Variants in ATRN observed in about 807,000 individuals in gnomAD.
ATRN encodes attractin.
A neutral mutation model predicts 178.7 loss-of-function variants in ATRN; 54 were observed. The ratio of observed to expected loss-of-function variants is 0.30; its 90% CI spans 0.24 to 0.38. ATRN has a LOEUF of 0.38. ATRN is among the 10% of genes least tolerant of loss of function. The pLI is 1.00. For missense variants in ATRN, 1,443 were observed against 1,815.1 expected (o/e 0.79, Z 3.73); for synonymous variants, 636 against 663.0 (o/e 0.96, Z 0.63).
At position 3,535,369 on chromosome 20, in the gene ATRN, T is replaced by C. The variant is rs749259650; in HGVS notation, c.494+33T>C. 39 of 1,283,584 alleles carry C rather than the reference T, an allele frequency of 3.0e-5. No individual in the cohort carries two copies. The East Asian group carries it at 1.0e-3, about 34-fold the overall frequency. 79.5% of individuals were successfully genotyped at this position (1,283,584 alleles called of 1,614,324 possible). On this transcript the variant is annotated intron_variant, in intron 2 of 28. Coordinates refer to ENST00000262919, the MANE Select transcript of ATRN (RefSeq NM_139321.3). ...GAAATGGCTGACTTAATTTTTGTTTTTTTAGCATAGAAGTCAGTGTGACAT... is the reference window on the plus strand; with the variant it reads ...GAAATGGCTGACTTAATTTTTGTTTCTTTAGCATAGAAGTCAGTGTGACAT...
intron 2 of ATRN, among the ~76,000 whole-genome samples, chr20:3,537,945 CTTTTT>C (rs1009073154): frequency 1.4e-5 from 2 of 142,442 alleles, no homozygotes; most frequent in Admixed American, 7.0e-5. Context: ...TTTTTCATTT[CTTTTT>C]TTTATTTTTT....
At chr20:3,568,166 A>T (rs2086064935) in intron 11 of ATRN, among the ~76,000 whole-genome samples, 1 of 151,674 alleles carries the variant, frequency 6.6e-6, no homozygotes, top group Non-Finnish European at 1.5e-5. Flanking sequence ...TGGCGGGCGC[A>T]TGTAGTCCCA....
intron 1 of ATRN, among the ~76,000 whole-genome samples, chr20:3,528,639 AC>A (rs1244532889): frequency 6.6e-6 from 1 of 152,112 alleles, no homozygotes; most frequent in Non-Finnish European, 1.5e-5. Context: ...TTCAGGTATT[AC>A]GCTGATTACT....
At chr20:3,535,201 AT>A (rs2085509644) in intron 1 of ATRN, 51 bp from the exon 2 acceptor site, 1 of 730,422 alleles carries the variant, frequency 1.4e-6, no homozygotes, top group African/African-American at 1.9e-5. Context: ...ATATAAAAAT[AT>A]ATGAAATTAA....
intron 1 of ATRN, among the ~76,000 whole-genome samples, chr20:3,486,448 C>T (rs1568681970): frequency 1.3e-5 from 2 of 151,930 alleles, no homozygotes; most frequent in Middle Eastern, 3.2e-3. Context: ...TGCTCTTTCA[C>T]TCATGCTGGA....
At chr20:3,595,812 G>T (rs2086521193) in intron 20 of ATRN, among the ~76,000 whole-genome samples, 1 of 152,186 alleles carries the variant, frequency 6.6e-6, no homozygotes, top group African/African-American at 2.4e-5. Context: ...TTACCTAAAT[G>T]CTTCATGAAG....
chr20:3,628,556 T>A (rs939196117), intron 25 of ATRN, among the ~76,000 whole-genome samples: 2 of 152,186 alleles, frequency 1.3e-5, no homozygotes, highest in Non-Finnish European at 2.9e-5. Context: ...AATCATCCCT[T>A]GGTCCAGTGT....
intron 10 of ATRN, among the ~76,000 whole-genome samples, chr20:3,564,690 A>G (rs1044575660): frequency 2.0e-5 from 3 of 152,184 alleles, no homozygotes; most frequent in Non-Finnish European, 4.4e-5. Flanking sequence ...GAGCAAATCA[A>G]TATAGAAAAG....
rs1020355318 is a variant in ATRN at position 3,522,773 on chromosome 20, T to C, written c.411-12480T>C. Among the ~76,000 whole-genome samples the C allele has an allele frequency of 3.9e-5, 6 of 151,984 alleles. No homozygotes were observed. The South Asian group carries it at 8.3e-4, about 21-fold the overall frequency. On this transcript the variant is annotated intron_variant, in intron 1 of 28. Transcript: ENST00000262919. ...CCTCCAGTGGTGATACCCAGGCAAA[T>C]AGGGTCTGGAGTGGACCTCCAGCAA...
At chr20:3,510,383 C>G (rs1255176832) in intron 1 of ATRN, among the ~76,000 whole-genome samples, 1 of 152,198 alleles carries the variant, frequency 6.6e-6, no homozygotes, top group Non-Finnish European at 1.5e-5. Flanking sequence ...CAGCCATTGA[C>G]TATAAGTATG....
intron 1 of ATRN, among the ~76,000 whole-genome samples, chr20:3,516,194 G>A (rs1315515719): frequency 6.6e-6 from 1 of 152,176 alleles, no homozygotes; most frequent in East Asian, 1.9e-4. Flanking sequence ...AAAGTGAATT[G>A]ACCAGGGAAA....
chr20:3,546,945 A>T (rs2085712758), intron 4 of ATRN, among the ~76,000 whole-genome samples: 1 of 152,210 alleles, frequency 6.6e-6, no homozygotes, highest in Admixed American at 6.5e-5. Flanking sequence ...CATCATTAGG[A>T]GGCTACCAAG....
At chr20:3,538,570 A>G (rs551254714) in intron 2 of ATRN, among the ~76,000 whole-genome samples, 3 of 152,100 alleles carry the variant, frequency 2.0e-5, no homozygotes, top group Admixed American at 1.3e-4. Flanking sequence ...TGTGCTCTCA[A>G]TGGTTGTTCC....
At chr20:3,562,532 CT>C in intron 9 of ATRN, 73 bp downstream of exon 9, 1 of 1,498,262 alleles carries the variant, frequency 6.7e-7, no homozygotes. Flanking sequence ...AAATATTGTG[CT>C]ATCTTTTTGT....
chr20:3,512,436 CTCA>C (rs1339570970), intron 1 of ATRN, among the ~76,000 whole-genome samples: 2 of 152,028 alleles, frequency 1.3e-5, no homozygotes, highest in Non-Finnish European at 2.9e-5. Context: ...AGGACATGAA[CTCA>C]TCATTTTTTA....
chr20:3,536,352 G>A (rs758596470), intron 2 of ATRN, among the ~76,000 whole-genome samples: 39 of 152,034 alleles, frequency 2.6e-4, no homozygotes, highest in Non-Finnish European at 4.4e-4. Flanking sequence ...GGGATTACAG[G>A]CATGTGCCAC....
intron 24 of ATRN, among the ~76,000 whole-genome samples, chr20:3,623,664 G>C (rs894047969): frequency 1.3e-5 from 2 of 152,124 alleles, no homozygotes; most frequent in Non-Finnish European, 2.9e-5. Context: ...TCTCCAAAGA[G>C]GGCTGAGTTC....
At chr20:3,503,741 C>T (rs1454548550) in intron 1 of ATRN, among the ~76,000 whole-genome samples, 2 of 152,014 alleles carry the variant, frequency 1.3e-5, no homozygotes, top group African/African-American at 2.4e-5. Context: ...ACTTAATATT[C>T]ACGTAATTGG....
Position 3,638,906 on chromosome 20 carries a change from C to T in ATRN, c.4021C>T (p.Pro1341Ser). 1 of 1,613,988 alleles carries T rather than the reference C, an allele frequency of 6.2e-7. No individual in the cohort carries two copies. The highest frequency in any genetic ancestry group is 8.5e-7 in the Non-Finnish European group (1 of 1,179,910). The change falls in exon 27 of 29, where the codon CCT becomes TCT. Residue 1341 changes from proline to serine, a missense_variant. Physicochemically the swap from Pro to Ser is moderately conservative, Grantham distance 74. This residue lies in a region of ATRN where 289 missense variants were observed against 440.8 expected (regional missense o/e 0.66). Coordinates refer to ENST00000262919, the MANE Select transcript of ATRN (RefSeq NM_139321.3). The surrounding 1 kb of genome is among the most constrained non-coding windows in gnomAD (Gnocchi z 4.5). Reference sequence around the variant, plus strand: ...TGTCGCCTTGGAAACAGATGAGGAGCCTCCTGATCTTATTGGGGGGAGTAT... The same window carrying T: ...TGTCGCCTTGGAAACAGATGAGGAGTCTCCTGATCTTATTGGGGGGAGTAT... ...VNVALETDEE[P>S]PDLIGGSIKT...
Sources: allele counts gnomAD v4.1 joint callset (sites outside exome capture counted in the v4.1 genomes callset), GRCh38; gene constraint gnomAD v4.1.1; regional missense constraint gnomAD v4.1.1; non-coding constraint Gnocchi (gnomAD v3.1); transcripts MANE v1.5; gene names NCBI Gene and HGNC (gene_info 2026-07-23, HGNC 2026-07-21).